SEMA5A: variants seen among roughly 807,000 people sequenced by gnomAD.
The protein encoded by SEMA5A is semaphorin-5A.
A neutral mutation model predicts 135.5 loss-of-function variants in SEMA5A; 55 were observed. The observed-to-expected ratio is 0.41, with a 90% CI of 0.33 to 0.51. The LOEUF (loss-of-function observed/expected upper bound fraction) is 0.51, where lower values mean the gene tolerates loss of function less well. Ranked by LOEUF, SEMA5A falls within the 20% of genes least tolerant of loss-of-function variation. The pLI is 0.37. For missense variants in SEMA5A, 1,290 were observed against 1,419.9 expected (o/e 0.91, Z 1.47); for synonymous variants, 580 against 546.5 (o/e 1.06, Z -0.85).
chr5:9,271,601 G>A (rs1329637832), intron 5 of SEMA5A, among the ~76,000 whole-genome samples: 2 of 152,166 alleles, frequency 1.3e-5, no homozygotes, highest in Non-Finnish European at 2.9e-5. Flanking sequence ...TGGCAAGATG[G>A]CAGAATAGGA....
intron 1 of SEMA5A, among the ~76,000 whole-genome samples, chr5:9,457,194 TAAAA>T (rs1466478248): frequency 1.3e-5 from 2 of 152,212 alleles, no homozygotes; most frequent in Admixed American, 6.5e-5. Flanking sequence ...CTAAGATACT[TAAAA>T]GAAAGAGGAA....
At chr5:9,429,808 T>C (rs1439765201) in intron 2 of SEMA5A, among the ~76,000 whole-genome samples, 4 of 151,818 alleles carry the variant, frequency 2.6e-5, no homozygotes, top group African/African-American at 4.8e-5. Flanking sequence ...GAGAGAAAGA[T>C]AGATAGAGAA....
chr5:9,424,692 C>G (rs1016579479), intron 2 of SEMA5A, among the ~76,000 whole-genome samples: 1 of 152,140 alleles, frequency 6.6e-6, no homozygotes, highest in Non-Finnish European at 1.5e-5. Flanking sequence ...AGTAAGTTGT[C>G]CACCATCCAC....
rs1360321199 is a variant in SEMA5A at position 9,400,556 on chromosome 5, G to A, written c.-77-20533C>T. Among the ~76,000 whole-genome samples, 8 of 47,506 alleles carry A rather than the reference G, an allele frequency of 1.7e-4. 1 individual carries two copies. Among genetic ancestry groups the A allele is most frequent in the Admixed American group, 1.4e-3 (5 of 3,600 alleles). 31.2% of individuals were successfully genotyped at this position (47,506 alleles called of 152,430 possible). A position where few individuals can be genotyped will look rare whatever the true frequency, so the allele number is the denominator to read the frequency against. ...GAGTCTCGCTCTGTCGCCCAGGCTGGAGTGCAGTGGCGGGATCTCGGCTCA... is the reference window on the plus strand; with the variant it reads ...GAGTCTCGCTCTGTCGCCCAGGCTGAAGTGCAGTGGCGGGATCTCGGCTCA... On this transcript the variant is annotated intron_variant, in intron 2 of 22. Transcript: ENST00000382496.
intron 12 of SEMA5A, among the ~76,000 whole-genome samples, chr5:9,143,518 G>A (rs1742174640): frequency 6.6e-6 from 1 of 152,134 alleles, no homozygotes; most frequent in Admixed American, 6.5e-5. Flanking sequence ...CTAAGCATAT[G>A]TTCTTTTAGT....
intron 6 of SEMA5A, among the ~76,000 whole-genome samples, chr5:9,230,175 T>TC: frequency 6.8e-6 from 1 of 148,032 alleles, no homozygotes; most frequent in East Asian, 2.0e-4. Context: ...TTTTTTTTTT[T>TC]TTTTTGTAGG....
intron 2 of SEMA5A, among the ~76,000 whole-genome samples, chr5:9,428,172 C>G (rs1757736296): frequency 6.7e-6 from 1 of 149,994 alleles, no homozygotes; most frequent in South Asian, 2.1e-4. Context: ...ATCTATCCAT[C>G]CATCCATCCA....
chr5:9,325,114 A>G (rs1579347145), intron 4 of SEMA5A, among the ~76,000 whole-genome samples: 1 of 152,364 alleles, frequency 6.6e-6, no homozygotes, highest in Non-Finnish European at 1.5e-5. Flanking sequence ...GAATGATTCT[A>G]TACTTCTATT....
At position 9,154,045 on chromosome 5, in the gene SEMA5A, C is replaced by CAAAA. The variant is rs1157417525; in HGVS notation, c.1481+439_1481+442dup. Among the ~76,000 whole-genome samples the CAAAA allele has an allele frequency of 1.8e-3, 61 of 34,182 alleles. 2 individuals are homozygous for CAAAA. The highest frequency in any genetic ancestry group is 5.1e-3 in the Admixed American group (14 of 2,740). The allele number at this position is 34,182 out of a possible 152,430, so 22.4% of individuals were successfully genotyped here. Reference sequence around the variant, plus strand: ...TGGGTGACAGAGTGAGACTGTGTCTCAAAAAAAAAAAAAAAAAATATATAT... The same window carrying CAAAA: ...TGGGTGACAGAGTGAGACTGTGTCTCAAAAAAAAAAAAAAAAAAAAAATATATAT... On this transcript the variant is annotated intron_variant, in intron 12 of 22. Transcript: ENST00000382496.
chr5:9,426,374 G>T (rs1579520392), intron 2 of SEMA5A, among the ~76,000 whole-genome samples: 1 of 149,546 alleles, frequency 6.7e-6, no homozygotes, highest in African/African-American at 2.5e-5. Context: ...GCAGTGAGCC[G>T]AGATCACGCC....
intron 16 of SEMA5A, among the ~76,000 whole-genome samples, chr5:9,079,238 A>G (rs568081058): frequency 2.0e-4 from 30 of 152,176 alleles, no homozygotes; most frequent in African/African-American, 7.0e-4. Context: ...AATCAAATTA[A>G]AACTCAGGAT....
intron 3 of SEMA5A, among the ~76,000 whole-genome samples, chr5:9,353,278 A>AGGAG (rs1342787713): frequency 7.1e-6 from 1 of 140,730 alleles, no homozygotes; most frequent in Non-Finnish European, 1.5e-5. Flanking sequence ...AGGAAAGGAA[A>AGGAG]GGAAAGGAGG....
chr5:9,245,987 T>C (rs1400137620), intron 5 of SEMA5A, among the ~76,000 whole-genome samples: 6 of 151,984 alleles, frequency 3.9e-5, no homozygotes, highest in African/African-American at 1.4e-4. Flanking sequence ...AGAAGAACAT[T>C]AGAGAGAGAG....
At chr5:9,177,924 G>A (rs976570884) in intron 11 of SEMA5A, among the ~76,000 whole-genome samples, 1 of 152,154 alleles carries the variant, frequency 6.6e-6, no homozygotes, top group Non-Finnish European at 1.5e-5. Context: ...TATAATTTCA[G>A]TTCTATCTCT....
Position 9,190,315 on chromosome 5 carries a change from C to T in SEMA5A, c.1225G>A (p.Val409Met), listed in dbSNP as rs769949871. The T allele has an allele frequency of 2.5e-5, 40 of 1,614,032 alleles. No individual in the cohort carries two copies. The highest frequency in any genetic ancestry group is 3.0e-5 in the Non-Finnish European group (35 of 1,180,038). ...ACGAGCGCTTCTCTGCCCTGCACCA[C>T]GTCGACTGCCACGTGGGAAAAGCGG... ...NSRFSHVAVD[V>M]VQGREALVHI... is the part of the protein sequence containing the mutation. The change falls in exon 11 of 23, where the codon GTG (valine) becomes ATG (methionine). Residue 409 changes from valine to methionine, a missense_variant. Physicochemically the swap from Val to Met is conservative, Grantham distance 21. This residue lies in a region of SEMA5A where 1,029 missense variants were observed against 1,086.6 expected (regional missense o/e 0.95). Coordinates refer to ENST00000382496, the MANE Select transcript of SEMA5A (RefSeq NM_003966.3).
rs1366679580 is a variant in SEMA5A, at chr5:9,329,184, A to G, written c.224+8529T>C. On this transcript the variant is annotated intron_variant, in intron 4 of 22. Coordinates refer to ENST00000382496, the MANE Select transcript of SEMA5A (RefSeq NM_003966.3). ...TCCCTTTACTCTTGGTGTTTTCAGG[A>G]CCCTTTACTCAGGCTTCCCTTGGAG... Among the ~76,000 whole-genome samples, 4 of 151,576 alleles carry G rather than the reference A, an allele frequency of 2.6e-5. No individual in the cohort carries two copies. In the South Asian group the frequency reaches 6.3e-4, roughly 24 times the overall value.
chr5:9,359,433 G>T (rs149887399), intron 3 of SEMA5A, among the ~76,000 whole-genome samples: 1 of 152,306 alleles, frequency 6.6e-6, no homozygotes, highest in Non-Finnish European at 1.5e-5. Context: ...GCTCAGCTTG[G>T]CTTGGTGTTT....
chr5:9,435,057 C>T (rs886828009), intron 2 of SEMA5A, among the ~76,000 whole-genome samples: 6 of 152,224 alleles, frequency 3.9e-5, no homozygotes, highest in Middle Eastern at 6.8e-3. Context: ...AAAAATCATA[C>T]CACAATTTAT....
intron 2 of SEMA5A, among the ~76,000 whole-genome samples, chr5:9,434,415 A>C (rs1757960490): frequency 6.6e-6 from 1 of 152,190 alleles, no homozygotes; most frequent in African/African-American, 2.4e-5. Flanking sequence ...CATTCACTAC[A>C]TTAATGCACT....
Sources: gnomAD v4.1 joint callset for allele counts (sites outside exome capture counted in the v4.1 genomes callset) on GRCh38, gnomAD v4.1.1 for gene constraint, gnomAD v4.1.1 regional missense constraint, MANE v1.5 for transcripts, NCBI Gene and HGNC (gene_info 2026-07-23, HGNC 2026-07-21) for gene names.